Variants in KLHL41 observed in about 807,000 individuals in gnomAD.
KLHL41 encodes the protein kelch-like protein 41.
KLHL41 carries 31 observed loss-of-function variants against 49.2 expected under a neutral mutation model. That is an observed-to-expected ratio of 0.63 (90% CI 0.47 to 0.85). The LOEUF (loss-of-function observed/expected upper bound fraction) is 0.85. KLHL41 is among the 40% of genes least tolerant of loss of function. The pLI, the probability that KLHL41 is intolerant of heterozygous loss-of-function variation, is 0.00. For synonymous variants in KLHL41, 218 were observed against 258.5 expected (o/e 0.84, Z 1.50); for missense variants, 663 against 726.7 (o/e 0.91, Z 1.01).
At chr2:169,523,163 A>G (rs1225703621) in intron 5 of KLHL41, among the ~76,000 whole-genome samples, 2 of 152,206 alleles carry the variant, frequency 1.3e-5, no homozygotes, top group East Asian at 3.9e-4. Context: ...GAACAGTTAC[A>G]GGCAGCAAAA....
intron 3 of KLHL41, 70 bp downstream of exon 3, chr2:169,515,031 TTTTC>T (rs1684092310): frequency 2.0e-5 from 19 of 931,754 alleles, no homozygotes; most frequent in East Asian, 5.4e-5. Context: ...TCCTCTTTTC[TTTTC>T]TTTTTTTTTT....
rs369873689 is a variant in KLHL41 at position 169,525,698 on chromosome 2, C to A, written c.*2C>A. 5 of 1,549,958 alleles carry A rather than the reference C, an allele frequency of 3.2e-6. No individual in the cohort carries two copies. The highest frequency in any genetic ancestry group is 4.5e-6 in the Non-Finnish European group (5 of 1,122,446). On this transcript the variant is annotated 3_prime_UTR_variant, in exon 6 of 6. Coordinates refer to ENST00000284669, the MANE Select transcript of KLHL41 (RefSeq NM_006063.3). ...CTCTTCAAACTGTCTAAACTGTGAA[C>A]AAGGTGACAAAACATAATAGATTGG... is the stretch of plus-strand genomic sequence containing the variant.
rs1217045444 is a variant in KLHL41 at position 169,514,885 on chromosome 2, C to T, written c.1300C>T (p.Pro434Ser). The T allele has an allele frequency of 3.1e-6, 5 of 1,609,892 alleles. No homozygotes were observed. Among genetic ancestry groups the T allele is most frequent in the Non-Finnish European group, 4.2e-6 (5 of 1,178,944 alleles). ...AAKWNEVKKL[P>S]IKVYGHNVIS... ...AAAATGGAACGAAGTAAAAAAACTC[C>T]CTATCAAAGTCTATGGCCATAATGT... Residue 434 changes from proline to serine, a missense_variant, in exon 3 of 6, where the codon CCT becomes TCT. Coordinates refer to ENST00000284669, the MANE Select transcript of KLHL41 (RefSeq NM_006063.3).
intron 5 of KLHL41, 62 bp downstream of exon 5, chr2:169,521,069 T>A: frequency 6.6e-7 from 1 of 1,511,810 alleles, no homozygotes; most frequent in South Asian, 1.2e-5. Flanking sequence ...GATAAACTAT[T>A]TTGTAGTAAA....
At chr2:169,524,384 A>G (rs1684264340) in intron 5 of KLHL41, among the ~76,000 whole-genome samples, 1 of 150,242 alleles carries the variant, frequency 6.7e-6, no homozygotes, top group Non-Finnish European at 1.5e-5. Flanking sequence ...ATTATTTTAA[A>G]TCTCCATTCA....
chr2:169,518,159 C>A, intron 3 of KLHL41, 31 bp from the exon 4 acceptor site: 2 of 1,570,336 alleles, frequency 1.3e-6, no homozygotes, highest in Non-Finnish European at 1.7e-6. Flanking sequence ...AAAAAAGGTT[C>A]TAAAAGGAAC....
rs1419625213 is a variant in KLHL41 at position 169,515,479 on chromosome 2, A to G, written c.1376+518A>G. On this transcript the variant is annotated intron_variant, in intron 3 of 5. Transcript: ENST00000284669. ...TGCTAGGAATGAGCCTAATACCCCAATCATAAGCATCCTTACAGTCCAGGC... is the reference window on the plus strand; with the variant it reads ...TGCTAGGAATGAGCCTAATACCCCAGTCATAAGCATCCTTACAGTCCAGGC... 2.0e-5 allele frequency among the ~76,000 whole-genome samples: 3 copies of G among 152,176 alleles called. No individual in the cohort carries two copies. In the East Asian group the frequency reaches 5.8e-4, roughly 29 times the overall value.
rs1684119413 is a variant in KLHL41 at position 169,516,776 on chromosome 2, C to A, written c.1377-1414C>A. 7.2e-5 allele frequency among the ~76,000 whole-genome samples: 11 copies of A among 152,254 alleles called. No individual in the cohort carries two copies. In the South Asian group the frequency reaches 2.3e-3, roughly 31 times the overall value. On this transcript the variant is annotated intron_variant, in intron 3 of 5. Coordinates refer to ENST00000284669, the MANE Select transcript of KLHL41 (RefSeq NM_006063.3). The stretch of plus-strand genomic sequence containing the variant: ...GTGGCTCATGCCTGTAATCCCAGCA[C>A]TTTGGGAGACCGAGGCAGGTGGATC...
intron 3 of KLHL41, among the ~76,000 whole-genome samples, chr2:169,515,585 TATTC>T (rs1435876076): frequency 1.3e-5 from 2 of 152,236 alleles, no homozygotes; most frequent in African/African-American, 4.8e-5. Context: ...TGGGTTTTCT[TATTC>T]ATTTAGCCAT....
intron 5 of KLHL41, 118 bp from the exon 6 acceptor site, chr2:169,525,467 A>G (rs1684289135): frequency 1.5e-6 from 1 of 646,626 alleles, no homozygotes; most frequent in African/African-American, 1.8e-5. Context: ...AGGCAGGTGC[A>G]TCTTCTTCTG....
rs1053056040 is a variant in KLHL41, at chr2:169,510,308, A to C, written c.530A>C (p.Gln177Pro). ...KEEDFMQLSP[Q>P]ELISVISNDS... ...GAGGACTTTATGCAACTGTCTCCAC[A>C]GGAACTGATCTCAGTCATTTCAAAT... The change falls in exon 1 of 6, where the codon CAG becomes CCG. Residue 177 changes from glutamine (Q) to proline (P), a missense_variant. Transcript: ENST00000284669. The surrounding 1 kb of genome is among the most constrained non-coding windows in gnomAD (Gnocchi z 4.2). 5.0e-6 allele frequency: 8 copies of C among 1,614,056 alleles called. No individual in the cohort carries two copies. Among genetic ancestry groups the C allele is most frequent in the East Asian group, 2.2e-5 (1 of 44,896 alleles).
At chr2:169,515,788 T>C (rs1405804043) in intron 3 of KLHL41, among the ~76,000 whole-genome samples, 1 of 152,080 alleles carries the variant, frequency 6.6e-6, no homozygotes, top group Non-Finnish European at 1.5e-5. Flanking sequence ...AAACAAAAAA[T>C]TAAGGCAATT....
At position 169,514,614 on chromosome 2, in the gene KLHL41, TG is replaced by T; in HGVS notation, c.1152del (p.Pro385LeufsTer18). On this transcript the variant is annotated frameshift_variant, in exon 2 of 6. Transcript: ENST00000284669. LOFTEE classifies it high-confidence loss of function. ...IASEWVGLPPLPSARCLFGLG... is the reference protein window; with the variant it reads ...IASEWVGLPPXPSARCLFGLG... Reference sequence around the variant, plus strand: ...TCTGAATGGGTTGGACTTCCACCTCTGCCTTCAGCCAGGTGTCTCTTCGGTC... The same window carrying T: ...TCTGAATGGGTTGGACTTCCACCTCTCCTTCAGCCAGGTGTCTCTTCGGTC... 1 of 1,614,068 alleles carries T rather than the reference TG, an allele frequency of 6.2e-7. No individual in the cohort carries two copies. The highest frequency in any genetic ancestry group is 8.5e-7 in the Non-Finnish European group (1 of 1,179,938).
chr2:169,518,056 A>G (rs888742117), intron 3 of KLHL41, 134 bp from the exon 4 acceptor site: 15 of 632,932 alleles, frequency 2.4e-5, no homozygotes, highest in South Asian at 1.2e-4. Context: ...GTTTAGTGGC[A>G]TATGTTCAAA....
At position 169,525,591 on chromosome 2, in the gene KLHL41, AG is replaced by A; in HGVS notation, c.1717del (p.Asp573MetfsTer10). ...TEVNDIWKYE[D>X]DKKEWAGMLK... ...TTTTTTTTTCCTCCATCAGGTATGA[AG>A]ATGATAAAAAAGAATGGGCTGGGAT... On this transcript the variant is annotated frameshift_variant, in exon 6 of 6. Transcript: ENST00000284669. LOFTEE classifies it high-confidence loss of function. The A allele has an allele frequency of 6.3e-7, 1 of 1,599,294 alleles. No homozygotes were observed. The highest frequency in any genetic ancestry group is 8.6e-7 in the Non-Finnish European group (1 of 1,166,634).
At chr2:169,518,890 T>C (rs940227070) in intron 4 of KLHL41, among the ~76,000 whole-genome samples, 1 of 152,048 alleles carries the variant, frequency 6.6e-6, no homozygotes, top group East Asian at 1.9e-4. Context: ...ATGTTGTCCA[T>C]ACTGGTCTCT....
chr2:169,516,134 T>C (rs1684112343), intron 3 of KLHL41, among the ~76,000 whole-genome samples: 2 of 152,200 alleles, frequency 1.3e-5, no homozygotes, highest in Admixed American at 1.3e-4. Flanking sequence ...ATTTGGCTTG[T>C]CATCATTTGC....
intron 5 of KLHL41, among the ~76,000 whole-genome samples, chr2:169,522,673 G>C (rs540391487): frequency 1.4e-5 from 2 of 144,322 alleles, no homozygotes; most frequent in African/African-American, 5.1e-5. Context: ...AGGTAGAGTT[G>C]AGCATCCCTA....
At chr2:169,518,061 T>C in intron 3 of KLHL41, 129 bp from the exon 4 acceptor site, 1 of 662,230 alleles carries the variant, frequency 1.5e-6, no homozygotes, top group Non-Finnish European at 2.5e-6. Context: ...GTGGCATATG[T>C]TCAAATTAAG....
Sources: allele counts gnomAD v4.1 joint callset (sites outside exome capture counted in the v4.1 genomes callset), GRCh38; gene constraint gnomAD v4.1.1; non-coding constraint Gnocchi (gnomAD v3.1); transcripts MANE v1.5; gene names NCBI Gene and HGNC (gene_info 2026-07-23, HGNC 2026-07-21).